Variants in PLCG2 observed in about 807,000 individuals in gnomAD.
PLCG2 encodes phospholipase C gamma 2.
In PLCG2, 69 loss-of-function variants were observed where a neutral mutation model predicts 175.6. The observed-to-expected ratio is 0.39, with a 90% CI of 0.32 to 0.48. The LOEUF (loss-of-function observed/expected upper bound fraction) is 0.48, where lower values mean the gene tolerates loss of function less well. Ranked by LOEUF, PLCG2 falls within the 20% of genes least tolerant of loss-of-function variation. The pLI is 0.91. For missense variants in PLCG2, 1,798 were observed against 1,650.9 expected (o/e 1.09, Z -1.54); for synonymous variants, 827 against 624.0 (o/e 1.33, Z -4.85).
At chr16:81,842,054 C>T (rs781448366) in intron 2 of PLCG2, among the ~76,000 whole-genome samples, 1 of 152,210 alleles carries the variant, frequency 6.6e-6, no homozygotes, top group East Asian at 1.9e-4. Flanking sequence ...TGCATGACAA[C>T]TCAATGATAA....
intron 2 of PLCG2, among the ~76,000 whole-genome samples, chr16:81,805,784 T>TTTTTG (rs1911992023): frequency 1.2e-4 from 1 of 8,462 alleles, no homozygotes; most frequent in Admixed American, 4.2e-3. Context: ...TTTTTTTTTG[T>TTTTTG]TTTTTTTTTT....
intron 16 of PLCG2, 106 bp downstream of exon 16, chr16:81,907,880 G>A: frequency 1.3e-6 from 1 of 746,070 alleles, no homozygotes; most frequent in Non-Finnish European, 2.3e-6. Flanking sequence ...CGGCTGGCAA[G>A]GGGATGCTCC....
intron 7 of PLCG2, among the ~76,000 whole-genome samples, chr16:81,878,031 G>T (rs1907896322): frequency 7.5e-6 from 1 of 132,708 alleles, no homozygotes; most frequent in Middle Eastern, 4.9e-3. Flanking sequence ...ACCCAGGCTG[G>T]AGTGTAGTGG....
chr16:81,761,280 T>C (rs1041108593), intron 2 of PLCG2, among the ~76,000 whole-genome samples: 2 of 152,124 alleles, frequency 1.3e-5, no homozygotes, highest in Non-Finnish European at 2.9e-5. Context: ...CAGGAGGATC[T>C]CTTAAACCCA....
At chr16:81,843,855 T>C (rs992862327) in intron 2 of PLCG2, among the ~76,000 whole-genome samples, 1 of 152,276 alleles carries the variant, frequency 6.6e-6, no homozygotes, top group Non-Finnish European at 1.5e-5. Flanking sequence ...GGGTTTGATG[T>C]GCCGTTGGTT....
intron 11 of PLCG2, among the ~76,000 whole-genome samples, chr16:81,892,981 A>T (rs1476477590): frequency 1.3e-5 from 2 of 150,474 alleles, no homozygotes; most frequent in Non-Finnish European, 3.0e-5. Context: ...AGTAGCTGGG[A>T]CTCCGGGCAC....
chr16:81,923,546 T>G lies in PLCG2; in HGVS notation c.2369T>G (p.Phe790Cys). 1.9e-6 allele frequency: 3 copies of G among 1,613,836 alleles called. No individual in the cohort carries two copies. Among genetic ancestry groups the G allele is most frequent in the Non-Finnish European group, 2.5e-6 (3 of 1,179,802 alleles). The change falls in exon 22 of 33, where the codon TTC (phenylalanine) becomes TGC (cysteine). Residue 790 changes from phenylalanine to cysteine, a missense_variant. Coordinates refer to ENST00000564138, the MANE Select transcript of PLCG2 (RefSeq NM_002661.5). ...GCCAAGCGAAGCGATGAGCTGAGCT[T>G]CTGCCGTGGTGCCCTCATCCACAAT... ...YKAKRSDELSFCRGALIHNVS... is the reference protein window; with the variant it reads ...YKAKRSDELSCCRGALIHNVS...
intron 23 of PLCG2, among the ~76,000 whole-genome samples, chr16:81,927,714 A>G (rs1427962774): frequency 6.6e-6 from 1 of 152,134 alleles, no homozygotes; most frequent in Non-Finnish European, 1.5e-5. Flanking sequence ...TTAGACCCCC[A>G]GGTGTTTATT....
chr16:81,781,894 C>A (rs1445849093), intron 1 of PLCG2, among the ~76,000 whole-genome samples: 1 of 131,576 alleles, frequency 7.6e-6, no homozygotes, highest in African/African-American at 2.8e-5. Context: ...GCCCCCGAGA[C>A]GGAGTCTTGC....
rs1001137691 is a variant in PLCG2, at chr16:81,752,125, C to A, written c.-144-3745C>A. The stretch of plus-strand genomic sequence containing the variant: ...ACTGTGATGTAGGCCCCGTCTATCA[C>A]GTATGAACTATGAGCCTGCTGAGTG... On this transcript the variant is annotated intron_variant, in intron 1 of 5. Coordinates refer to the PLCG2 transcript ENST00000565054. Among the ~76,000 whole-genome samples, 3 of 152,260 alleles carry A rather than the reference C, an allele frequency of 2.0e-5. No homozygotes were observed. The South Asian group carries it at 6.2e-4, about 32-fold the overall frequency.
At chr16:81,869,824 C>CAGTGG (rs1907426524) in intron 6 of PLCG2, among the ~76,000 whole-genome samples, 1 of 152,084 alleles carries the variant, frequency 6.6e-6, no homozygotes. Context: ...GGCAGTAAAG[C>CAGTGG]CACTCCATGA....
chr16:81,762,159 T>C (rs538232700), intron 2 of PLCG2, among the ~76,000 whole-genome samples: 168 of 152,278 alleles, frequency 1.1e-3, no homozygotes, highest in Non-Finnish European at 1.9e-3. Flanking sequence ...CTGTTTGCTT[T>C]GTCACATCTG....
intron 2 of PLCG2, among the ~76,000 whole-genome samples, chr16:81,831,193 A>G (rs1905244754): frequency 1.3e-5 from 2 of 152,100 alleles, no homozygotes; most frequent in Non-Finnish European, 2.9e-5. Flanking sequence ...GCCAAGTGTA[A>G]TAAATATTGA....
chr16:81,827,190 G>GTTTTTTTTTTTTTT (rs368220809), intron 2 of PLCG2, among the ~76,000 whole-genome samples: 1,846 of 143,306 alleles, frequency 0.013, 12 homozygotes, highest in Non-Finnish European at 0.017. Flanking sequence ...GGATTGCTGG[G>GTTTTTTTTTTTTTT]TTTTTTTTTT....
At chr16:81,902,179 T>G (rs1909179597) in intron 14 of PLCG2, among the ~76,000 whole-genome samples, 1 of 152,198 alleles carries the variant, frequency 6.6e-6, no homozygotes, top group Non-Finnish European at 1.5e-5. Context: ...GAATCTGAAG[T>G]CCCTAGCGGG....
chr16:81,797,568 C>T (rs1022103701), intron 2 of PLCG2, among the ~76,000 whole-genome samples: 2 of 152,366 alleles, frequency 1.3e-5, no homozygotes, highest in South Asian at 2.1e-4. Context: ...TTCCCAGCAC[C>T]TGGCCCATAT....
chr16:81,942,782 G>A (rs948441011), intron 30 of PLCG2, among the ~76,000 whole-genome samples: 2 of 152,224 alleles, frequency 1.3e-5, no homozygotes, highest in East Asian at 1.9e-4. Context: ...AATTAATTTC[G>A]AACCCCGTGT....
chr16:81,802,138 G>A (rs545454609), intron 2 of PLCG2, among the ~76,000 whole-genome samples: 1 of 53,400 alleles, frequency 1.9e-5, no homozygotes, highest in East Asian at 1.0e-3. Flanking sequence ...TTTTGAGACG[G>A]ATCTCGCTCT....
intron 23 of PLCG2, among the ~76,000 whole-genome samples, chr16:81,927,765 G>T (rs1030303929): frequency 1.3e-5 from 2 of 152,198 alleles, no homozygotes; most frequent in African/African-American, 4.8e-5. Flanking sequence ...CTTCCTGGAG[G>T]AAGGAGTATT....
Sources: gnomAD v4.1 joint callset for allele counts (sites outside exome capture counted in the v4.1 genomes callset) on GRCh38, gnomAD v4.1.1 for gene constraint, MANE v1.5 for transcripts, NCBI Gene and HGNC (gene_info 2026-07-23, HGNC 2026-07-21) for gene names.